The following EIF5A2 variants were observed in gnomAD, a reference collection of about 807,000 sequenced individuals.
EIF5A2 encodes the protein eukaryotic translation initiation factor 5A2, also known as eukaryotic translation initiation factor 5A-2.
EIF5A2 carries 15 observed loss-of-function variants against 16.4 expected under a neutral mutation model. The ratio of observed to expected loss-of-function variants is 0.92; its 90% CI spans 0.61 to 1.41. EIF5A2 has a LOEUF of 1.41. Ranked by LOEUF, EIF5A2 falls within the 40% of genes most tolerant of loss-of-function variation. EIF5A2 has a pLI of 0.00. For missense variants in EIF5A2, 144 were observed against 189.5 expected (o/e 0.76, Z 1.41); for synonymous variants, 48 against 61.1 (o/e 0.79, Z 1.00).
rs576486618 is a variant in EIF5A2 at position 170,906,726 on chromosome 3, G to A, written c.270+263C>T. Among the ~76,000 whole-genome samples, 19 of 152,242 alleles carry A rather than the reference G, an allele frequency of 1.2e-4. 1 individual carries two copies. Among genetic ancestry groups the A allele is most frequent in the African/African-American group, 4.6e-4 (19 of 41,540 alleles). On this transcript the variant is annotated intron_variant, in intron 3 of 4. Coordinates refer to ENST00000295822, the MANE Select transcript of EIF5A2 (RefSeq NM_020390.6). ...ACATTGGACTTAATTGCAATATGCAGTCACTTGGCCTGAGAACACTAATAA... is the reference window on the plus strand; with the variant it reads ...ACATTGGACTTAATTGCAATATGCAATCACTTGGCCTGAGAACACTAATAA...
At chr3:170,908,163 C>T (rs932062727) in intron 1 of EIF5A2, among the ~76,000 whole-genome samples, 1 of 152,218 alleles carries the variant, frequency 6.6e-6, no homozygotes, top group African/African-American at 2.4e-5. Flanking sequence ...CGCCGCCCAG[C>T]CCTCGGCCGC....
At chr3:170,901,240 T>C (rs1157408931) in intron 3 of EIF5A2, among the ~76,000 whole-genome samples, 1 of 152,156 alleles carries the variant, frequency 6.6e-6, no homozygotes, top group Non-Finnish European at 1.5e-5. Context: ...TGAAGCTGAG[T>C]GACAGGTACA....
At position 170,891,710 on chromosome 3, in the gene EIF5A2, T is replaced by C. The variant is rs1712540761; in HGVS notation, c.*1650A>G. 3.9e-5 allele frequency: 6 copies of C among 152,578 alleles called. No individual in the cohort carries two copies. The South Asian group carries it at 1.0e-3, about 26-fold the overall frequency. The allele number at this position is 152,578 out of a possible 1,614,324, so 9.5% of individuals were successfully genotyped here. The stretch of plus-strand genomic sequence containing the variant: ...TTAGAGAATTAAGGTATTTCTGAGA[T>C]AGTGATTTTGTTCTATGTTTTGCTC... On this transcript the variant is annotated 3_prime_UTR_variant, in exon 5 of 5. Coordinates refer to ENST00000295822, the MANE Select transcript of EIF5A2 (RefSeq NM_020390.6).
intron 3 of EIF5A2, among the ~76,000 whole-genome samples, chr3:170,899,413 T>A (rs1169033458): frequency 1.3e-5 from 2 of 152,040 alleles, no homozygotes; most frequent in African/African-American, 2.4e-5. Flanking sequence ...TTTTATTTTT[T>A]ATTTTTTTAA....
chr3:170,892,674 G>T lies in EIF5A2; in HGVS notation c.*686C>A. 2.5e-6 allele frequency: 1 copy of T among 398,076 alleles called. No individual in the cohort carries two copies. Among genetic ancestry groups the T allele is most frequent in the Non-Finnish European group, 4.4e-6 (1 of 225,850 alleles). 24.7% of individuals were successfully genotyped at this position (398,076 alleles called of 1,614,324 possible). A position where few individuals can be genotyped will look rare whatever the true frequency, so the allele number is the denominator to read the frequency against. On this transcript the variant is annotated 3_prime_UTR_variant, in exon 5 of 5. Transcript: ENST00000295822. Reference sequence around the variant, plus strand: ...TCAACCCTCTTTGCCACTGTCTTTTGTGTCTTCCTTATAATCTTACTTGCT... The same window carrying T: ...TCAACCCTCTTTGCCACTGTCTTTTTTGTCTTCCTTATAATCTTACTTGCT...
Position 170,889,096 on chromosome 3 carries a change from AAGG to A in EIF5A2, c.*4261_*4263del, listed in dbSNP as rs1311291696. On this transcript the variant is annotated 3_prime_UTR_variant, in exon 5 of 5. Coordinates refer to ENST00000295822, the MANE Select transcript of EIF5A2 (RefSeq NM_020390.6). ...TGTAAAATAGGTTTCTACCTGTTCTAAGGAGGAGAATAGTGGTAGATGGCAAAG... is the reference window on the plus strand; with the variant it reads ...TGTAAAATAGGTTTCTACCTGTTCTAAGGAGAATAGTGGTAGATGGCAAAG... The A allele has an allele frequency of 1.1e-5, 1 of 92,304 alleles. No homozygotes were observed. The highest frequency in any genetic ancestry group is 2.0e-5 in the Non-Finnish European group (1 of 50,228). 5.7% of individuals were successfully genotyped at this position (92,304 alleles called of 1,614,324 possible). A position where few individuals can be genotyped will look rare whatever the true frequency, so the allele number is the denominator to read the frequency against.
chr3:170,903,980 A>G (rs1712872452), intron 3 of EIF5A2, among the ~76,000 whole-genome samples: 1 of 152,244 alleles, frequency 6.6e-6, no homozygotes, highest in African/African-American at 2.4e-5. Flanking sequence ...TAGTAAATGC[A>G]GAAACGGCAT....
chr3:170,895,025 C>CAAAAAA (rs748111786), intron 3 of EIF5A2, among the ~76,000 whole-genome samples: 6 of 60,778 alleles, frequency 9.9e-5, no homozygotes, highest in Non-Finnish European at 1.9e-4. Flanking sequence ...GACTCTGTCT[C>CAAAAAA]AAAAAAAAAA....
At chr3:170,900,366 CAAAAAAAAAAA>C (rs1168908597) in intron 3 of EIF5A2, among the ~76,000 whole-genome samples, 2 of 64,146 alleles carry the variant, frequency 3.1e-5, no homozygotes. Flanking sequence ...GACTCCATCT[CAAAAAAAAAAA>C]AAAAAAAAAA....
rs1414295454 is a variant in EIF5A2 at position 170,890,238 on chromosome 3, T to C, written c.*3122A>G. Reference sequence around the variant, plus strand: ...TACAATACTTTTAAGAGTTGGGAGTTTGGAAAAAAGAACTAACATATAAAG... The same window carrying C: ...TACAATACTTTTAAGAGTTGGGAGTCTGGAAAAAAGAACTAACATATAAAG... On this transcript the variant is annotated 3_prime_UTR_variant, in exon 5 of 5. Transcript: ENST00000295822. 1 of 151,948 alleles carries C rather than the reference T, an allele frequency of 6.6e-6. No homozygotes were observed. Among genetic ancestry groups the C allele is most frequent in the Non-Finnish European group, 1.5e-5 (1 of 67,934 alleles). The allele number at this position is 151,948 out of a possible 1,614,324, so 9.4% of individuals were successfully genotyped here.
At chr3:170,908,072 C>T (rs572541138) in intron 1 of EIF5A2, among the ~76,000 whole-genome samples, 6 of 152,186 alleles carry the variant, frequency 3.9e-5, no homozygotes, top group African/African-American at 1.4e-4. Flanking sequence ...GGTGGGGACA[C>T]CCGCCCTGGG....
chr3:170,905,786 T>C (rs560688356), intron 3 of EIF5A2, among the ~76,000 whole-genome samples: 32 of 152,330 alleles, frequency 2.1e-4, no homozygotes, highest in African/African-American at 7.5e-4. Flanking sequence ...CCTCCTATTA[T>C]CACTATTTTG....
chr3:170,897,893 G>T (rs1712712650), intron 3 of EIF5A2, among the ~76,000 whole-genome samples: 1 of 152,196 alleles, frequency 6.6e-6, no homozygotes, highest in Non-Finnish European at 1.5e-5. Flanking sequence ...AGCTGCAGAG[G>T]CTGTACCCTG....
intron 3 of EIF5A2, among the ~76,000 whole-genome samples, chr3:170,895,025 C>CAAAAAAAA: frequency 1.6e-5 from 1 of 60,768 alleles, no homozygotes; most frequent in Non-Finnish European, 3.2e-5. Context: ...GACTCTGTCT[C>CAAAAAAAA]AAAAAAAAAA....
chr3:170,908,373 G>C (rs1712998487), intron 1 of EIF5A2, among the ~76,000 whole-genome samples, 170 bp downstream of exon 1: 1 of 152,126 alleles, frequency 6.6e-6, no homozygotes, highest in Admixed American at 6.5e-5. Flanking sequence ...GCCCGGCCCG[G>C]CCCCACTAGG....
At chr3:170,894,509 T>C in intron 3 of EIF5A2, 86 bp from the exon 4 acceptor site, 1 of 1,167,402 alleles carries the variant, frequency 8.6e-7, no homozygotes, top group Non-Finnish European at 1.2e-6. Flanking sequence ...CAATTGATAT[T>C]AATTCATATA....
chr3:170,901,733 C>T (rs528194614), intron 3 of EIF5A2, among the ~76,000 whole-genome samples: 61 of 152,090 alleles, frequency 4.0e-4, no homozygotes, highest in African/African-American at 1.4e-3. Flanking sequence ...AGCCACAGTG[C>T]CTGGACAGGT....
chr3:170,903,731 T>C (rs1712866407), intron 3 of EIF5A2, among the ~76,000 whole-genome samples: 1 of 152,230 alleles, frequency 6.6e-6, no homozygotes, highest in Non-Finnish European at 1.5e-5. Context: ...AATAATATAC[T>C]ACTTATTTGA....
intron 3 of EIF5A2, among the ~76,000 whole-genome samples, chr3:170,895,663 G>A (rs1366162042): frequency 6.6e-6 from 1 of 152,062 alleles, no homozygotes; most frequent in Non-Finnish European, 1.5e-5. Flanking sequence ...GCTCTCCACA[G>A]AAACTCCATC....
Sources: gnomAD v4.1 joint callset for allele counts (sites outside exome capture counted in the v4.1 genomes callset) on GRCh38, gnomAD v4.1.1 for gene constraint, MANE v1.5 for transcripts, NCBI Gene and HGNC (gene_info 2026-07-23, HGNC 2026-07-21) for gene names.